Variants in PDGFRL observed in about 807,000 individuals in gnomAD.
PDGFRL encodes the protein platelet-derived growth factor receptor-like protein.
In PDGFRL, 46 loss-of-function variants were observed where a neutral mutation model predicts 37.2. The observed-to-expected ratio is 1.24, with a 90% CI of 0.98 to 1.58. The LOEUF (loss-of-function observed/expected upper bound fraction) is 1.58. PDGFRL is among the 40% of genes most tolerant of loss of function. The pLI, the probability that PDGFRL is intolerant of heterozygous loss-of-function variation, is 0.00. For missense variants in PDGFRL, 692 were observed against 467.6 expected (o/e 1.48, Z -4.43); for synonymous variants, 251 against 184.3 (o/e 1.36, Z -2.93).
At chr8:17,613,240 G>A (rs1313475831) in intron 2 of PDGFRL, among the ~76,000 whole-genome samples, 1 of 152,160 alleles carries the variant, frequency 6.6e-6, no homozygotes, top group African/African-American at 2.4e-5. Context: ...TCTGTTGGGA[G>A]GATCGCTGGT....
intron 1 of PDGFRL, among the ~76,000 whole-genome samples, chr8:17,577,551 A>G (rs934547886): frequency 1.2e-4 from 18 of 151,766 alleles, no homozygotes; most frequent in African/African-American, 4.1e-4. Context: ...GGAGCCCACC[A>G]GGACCTCTCC....
intron 3 of PDGFRL, among the ~76,000 whole-genome samples, chr8:17,621,470 C>T (rs1804633283): frequency 6.6e-6 from 1 of 151,104 alleles, no homozygotes; most frequent in Non-Finnish European, 1.5e-5. Flanking sequence ...TAAGGTCACA[C>T]AGAAAGTAAG....
At chr8:17,576,618 T>G (rs544398153), upstream of PDGFRL, 30 of 564,950 alleles carry the variant, frequency 5.3e-5, no homozygotes, top group Non-Finnish European at 6.3e-5. Context: ...GAGGCCCGGG[T>G]TGTCTGCACA....
intron 2 of PDGFRL, among the ~76,000 whole-genome samples, chr8:17,609,325 G>C (rs1420092857): frequency 6.6e-6 from 1 of 152,096 alleles, no homozygotes; most frequent in Non-Finnish European, 1.5e-5. Flanking sequence ...TGGCCAACAT[G>C]ATGAAACCCT....
chr8:17,607,966 T>G (rs1382233396), intron 2 of PDGFRL, among the ~76,000 whole-genome samples: 1 of 152,232 alleles, frequency 6.6e-6, no homozygotes, highest in Non-Finnish European at 1.5e-5. Flanking sequence ...CCTTGGCGGC[T>G]CCGTCCCACC....
intron 1 of PDGFRL, among the ~76,000 whole-genome samples, chr8:17,586,813 G>A (rs1200659357): frequency 6.6e-6 from 1 of 152,186 alleles, no homozygotes; most frequent in Non-Finnish European, 1.5e-5. Flanking sequence ...TGAAACAGAA[G>A]AGGGCAAGTA....
chr8:17,624,306 T>G (rs1464556363), intron 3 of PDGFRL, among the ~76,000 whole-genome samples: 1 of 152,208 alleles, frequency 6.6e-6, no homozygotes, highest in Non-Finnish European at 1.5e-5. Context: ...GAAGCTTCTT[T>G]TGGGGGACTG....
At chr8:17,604,856 G>A (rs1272487574) in intron 2 of PDGFRL, among the ~76,000 whole-genome samples, 1 of 152,204 alleles carries the variant, frequency 6.6e-6, no homozygotes, top group African/African-American at 2.4e-5. Flanking sequence ...GCTCACGCCT[G>A]TAATTCCAGC....
intron 2 of PDGFRL, among the ~76,000 whole-genome samples, chr8:17,605,491 G>T (rs901179231): frequency 6.6e-6 from 1 of 152,300 alleles, no homozygotes; most frequent in African/African-American, 2.4e-5. Flanking sequence ...CACACATTTT[G>T]TTTCTTGAAT....
chr8:17,597,060 G>A (rs1053951700), intron 2 of PDGFRL, among the ~76,000 whole-genome samples: 2 of 152,068 alleles, frequency 1.3e-5, no homozygotes, highest in Non-Finnish European at 2.9e-5. Context: ...TTGCTCTGTC[G>A]CCTAGGTTGG....
chr8:17,613,159 G>A (rs1005750551), intron 2 of PDGFRL, among the ~76,000 whole-genome samples: 1 of 152,150 alleles, frequency 6.6e-6, no homozygotes, highest in Admixed American at 6.5e-5. Flanking sequence ...TAGGTAGCAA[G>A]GATCTCTTCC....
At chr8:17,606,879 G>GT (rs1361616983) in intron 2 of PDGFRL, among the ~76,000 whole-genome samples, 8 of 59,030 alleles carry the variant, frequency 1.4e-4, no homozygotes, top group East Asian at 1.1e-3. Context: ...CCAGTTTTTC[G>GT]TTTTTTGTTT....
intron 4 of PDGFRL, 111 bp downstream of exon 4, chr8:17,628,891 T>C: frequency 1.4e-6 from 1 of 697,880 alleles, no homozygotes; most frequent in Non-Finnish European, 2.4e-6. Context: ...GCCTTTTGTT[T>C]CATTGTTGTT....
At chr8:17,625,666 TAGTATA>T (rs1804719607) in intron 3 of PDGFRL, among the ~76,000 whole-genome samples, 1 of 152,182 alleles carries the variant, frequency 6.6e-6, no homozygotes, top group African/African-American at 2.4e-5. Flanking sequence ...GTATGTATTA[TAGTATA>T]AGAAGTAAAG....
intron 2 of PDGFRL, among the ~76,000 whole-genome samples, chr8:17,611,117 C>T (rs1289808776): frequency 6.6e-6 from 1 of 152,134 alleles, no homozygotes; most frequent in Admixed American, 6.6e-5. Flanking sequence ...CTCAGGAGTC[C>T]CCAGGGATTT....
At chr8:17,609,683 A>G (rs1041510754) in intron 2 of PDGFRL, among the ~76,000 whole-genome samples, 2 of 149,556 alleles carry the variant, frequency 1.3e-5, no homozygotes, top group African/African-American at 2.5e-5. Context: ...CAAAGAGAAC[A>G]GCATCAAACC....
chr8:17,598,814 T>C (rs1479027826), intron 2 of PDGFRL, among the ~76,000 whole-genome samples: 1 of 152,148 alleles, frequency 6.6e-6, no homozygotes, highest in Admixed American at 6.5e-5. Flanking sequence ...CTCATGGTAG[T>C]TAATACGTCT....
chr8:17,631,992 A>C (rs943907444), intron 4 of PDGFRL, among the ~76,000 whole-genome samples: 1 of 152,056 alleles, frequency 6.6e-6, no homozygotes, highest in African/African-American at 2.4e-5. Context: ...TCCGCCGTCC[A>C]CCTCAGGTGT....
intron 5 of PDGFRL, among the ~76,000 whole-genome samples, chr8:17,642,119 A>G (rs1327486649): frequency 6.6e-6 from 1 of 152,160 alleles, no homozygotes; most frequent in Non-Finnish European, 1.5e-5. Flanking sequence ...CCTAAGGCAC[A>G]CTGGCCTAAT....
Sources: gnomAD v4.1 joint callset for allele counts (sites outside exome capture counted in the v4.1 genomes callset) on GRCh38, gnomAD v4.1.1 for gene constraint, MANE v1.5 for transcripts, NCBI Gene and HGNC (gene_info 2026-07-23, HGNC 2026-07-21) for gene names.